Variants in LHFPL3 observed in about 807,000 individuals in gnomAD.
LHFPL3 encodes LHFPL tetraspan subfamily member 3.
Under a neutral mutation model 19.3 loss-of-function variants are expected in LHFPL3, and 5 were observed. That is an observed-to-expected ratio of 0.26 (90% CI 0.14 to 0.54). The LOEUF is 0.54. LHFPL3 is among the 20% of genes least tolerant of loss of function. LHFPL3 has a pLI of 0.94. For missense variants in LHFPL3, 249 were observed against 307.4 expected, an observed-to-expected ratio of 0.81 and a Z score of 1.42; for synonymous variants, 133 against 126.2, an observed-to-expected ratio of 1.05 and a Z score of -0.36.
At chr7:104,852,091 AC>A (rs1791424152) in intron 2 of LHFPL3, among the ~76,000 whole-genome samples, 1 of 151,394 alleles carries the variant, frequency 6.6e-6, no homozygotes, top group Non-Finnish European at 1.5e-5. Flanking sequence ...GAAAGCAGAT[AC>A]CCCCCAACCC....
intron 2 of LHFPL3, among the ~76,000 whole-genome samples, chr7:104,866,321 C>G (rs1186929279): frequency 6.6e-6 from 1 of 152,090 alleles, no homozygotes; most frequent in Non-Finnish European, 1.5e-5. Flanking sequence ...GTGCTGTATT[C>G]AAGAAACCCA....
rs79296779 is a variant in LHFPL3 at position 104,690,563 on chromosome 7, G to T, written c.446-46112G>T. ...CTGGACTTACTGATGACATATTTGC[G>T]TGCCAGGGGATAGGAAATAAATCTG... On this transcript the variant is annotated intron_variant, in intron 1 of 2. Coordinates refer to ENST00000424859, the MANE Select transcript of LHFPL3 (RefSeq NM_199000.3). Among the ~76,000 whole-genome samples, 644 of 152,338 alleles carry T rather than the reference G, an allele frequency of 4.2e-3. 25 individuals carry two copies. The East Asian group carries it at 0.091, about 22-fold the overall frequency.
intron 1 of LHFPL3, among the ~76,000 whole-genome samples, chr7:104,568,759 C>G (rs1453464349): frequency 6.6e-6 from 1 of 152,170 alleles, no homozygotes; most frequent in African/African-American, 2.4e-5. Flanking sequence ...AGTGTATTCT[C>G]CCAAAAACTC....
chr7:104,830,736 C>G (rs1420751031), intron 2 of LHFPL3, among the ~76,000 whole-genome samples: 1 of 151,794 alleles, frequency 6.6e-6, no homozygotes, highest in Non-Finnish European at 1.5e-5. Context: ...GTTACTGTAG[C>G]CTTGTAGTAT....
intron 1 of LHFPL3, chr7:104,669,267 G>A: frequency 6.2e-7 from 1 of 1,614,010 alleles, no homozygotes; most frequent in Non-Finnish European, 8.5e-7. Flanking sequence ...CAAGTGGTGG[G>A]GGAAAAGTAG....
chr7:104,788,714 C>G (rs1428918935), intron 2 of LHFPL3, among the ~76,000 whole-genome samples: 1 of 152,124 alleles, frequency 6.6e-6, no homozygotes, highest in East Asian at 1.9e-4. Context: ...GCTACATCAA[C>G]AATTGGAGCA....
At chr7:104,794,598 A>C (rs1790082851) in intron 2 of LHFPL3, among the ~76,000 whole-genome samples, 1 of 152,250 alleles carries the variant, frequency 6.6e-6, no homozygotes, top group Non-Finnish European at 1.5e-5. Context: ...TCTCAAAAAT[A>C]GCTGCTGGAA....
chr7:104,632,266 C>T (rs1791658000), intron 1 of LHFPL3, among the ~76,000 whole-genome samples: 1 of 152,148 alleles, frequency 6.6e-6, no homozygotes, highest in Non-Finnish European at 1.5e-5. Context: ...GACTTGCAGT[C>T]ATCCCTGCCT....
chr7:104,517,332 TAATTA>T, intron 1 of LHFPL3, among the ~76,000 whole-genome samples: 1 of 152,056 alleles, frequency 6.6e-6, no homozygotes, highest in East Asian at 1.9e-4. Context: ...TAAAAATAAT[TAATTA>T]AATTTACTTT....
chr7:104,814,060 A>C (rs563610272), intron 2 of LHFPL3, among the ~76,000 whole-genome samples: 6 of 152,342 alleles, frequency 3.9e-5, no homozygotes, highest in African/African-American at 1.4e-4. Context: ...AGCAAGATGA[A>C]GAGGAGCTTT....
At chr7:104,360,978 G>T (rs1322420919) in intron 1 of LHFPL3, among the ~76,000 whole-genome samples, 2 of 152,000 alleles carry the variant, frequency 1.3e-5, no homozygotes, top group African/African-American at 4.8e-5. Context: ...TTTTTTAATG[G>T]CCAAAAAATC....
At chr7:104,453,542 G>A (rs1177962912) in intron 1 of LHFPL3, among the ~76,000 whole-genome samples, 1 of 152,114 alleles carries the variant, frequency 6.6e-6, no homozygotes, top group Non-Finnish European at 1.5e-5. Context: ...ACTTACAATA[G>A]CAACTTTTCT....
intron 1 of LHFPL3, among the ~76,000 whole-genome samples, chr7:104,575,580 A>AG (rs1330725479): frequency 1.3e-5 from 2 of 149,680 alleles, no homozygotes; most frequent in Non-Finnish European, 3.0e-5. Flanking sequence ...AAAAAAAAAA[A>AG]AAAAAACAGA....
intron 1 of LHFPL3, among the ~76,000 whole-genome samples, chr7:104,654,078 C>T (rs1253375301): frequency 6.6e-6 from 1 of 152,138 alleles, no homozygotes; most frequent in Non-Finnish European, 1.5e-5. Context: ...GACTTGCTTC[C>T]AAAGCAAAAC....
chr7:104,717,650 A>G (rs1793414063), intron 1 of LHFPL3, among the ~76,000 whole-genome samples: 2 of 152,166 alleles, frequency 1.3e-5, no homozygotes, highest in South Asian at 4.1e-4. Flanking sequence ...AAAAAAGGCA[A>G]TAAGAATTGT....
intron 1 of LHFPL3, among the ~76,000 whole-genome samples, chr7:104,694,890 T>A (rs1369657569): frequency 2.6e-5 from 4 of 152,238 alleles, no homozygotes. Context: ...GAGTGCTACA[T>A]GCAGCACTGA....
chr7:104,811,180 C>CTTTTCTT (rs1562800515), intron 2 of LHFPL3, among the ~76,000 whole-genome samples: 1 of 139,588 alleles, frequency 7.2e-6, no homozygotes, highest in African/African-American at 2.7e-5. Context: ...CTTTTCTTTT[C>CTTTTCTT]TTTTCTTTTC....
intron 1 of LHFPL3, among the ~76,000 whole-genome samples, chr7:104,577,342 C>T (rs1271626562): frequency 2.0e-5 from 3 of 152,116 alleles, no homozygotes; most frequent in South Asian, 4.2e-4. Flanking sequence ...GGGAAAGCTT[C>T]CTAGAAGAAG....
chr7:104,733,185 A>C (rs967019838), intron 1 of LHFPL3, among the ~76,000 whole-genome samples: 1 of 152,236 alleles, frequency 6.6e-6, no homozygotes, highest in African/African-American at 2.4e-5. Context: ...TGGTGCTGAG[A>C]AAAATGTATA....
Sources: gnomAD v4.1 joint callset for allele counts (sites outside exome capture counted in the v4.1 genomes callset) on GRCh38, gnomAD v4.1.1 for gene constraint, MANE v1.5 for transcripts, NCBI Gene and HGNC (gene_info 2026-07-23, HGNC 2026-07-21) for gene names.